MAN1A1: variants seen among roughly 807,000 people sequenced by gnomAD.
The protein encoded by MAN1A1 is mannosidase alpha class 1A member 1.
Under a neutral mutation model 70.8 loss-of-function variants are expected in MAN1A1, and 29 were observed. That is an observed-to-expected ratio of 0.41 (90% confidence interval 0.31 to 0.56). The LOEUF (loss-of-function observed/expected upper bound fraction) is 0.56. MAN1A1 is among the 20% of genes least tolerant of loss of function. MAN1A1 has a pLI of 0.29. For synonymous variants in MAN1A1, 349 were observed against 330.1 expected, an observed-to-expected ratio of 1.06 and a Z score of -0.62; for missense variants, 747 against 841.3, an observed-to-expected ratio of 0.89 and a Z score of 1.39.
intron 5 of MAN1A1, among the ~76,000 whole-genome samples, chr6:119,273,047 G>A (rs1385108196): frequency 2.6e-5 from 4 of 152,098 alleles, no homozygotes; most frequent in Admixed American, 2.6e-4. Context: ...AGGGAAAAAG[G>A]TGACTTTCAA....
chr6:119,348,795 CG>C lies in MAN1A1; in HGVS notation c.270del (p.Ala92ArgfsTer111). ...LQPAADHKPG[P>X]GARAEDAAEG... ...TCGGCCGCGTCCTCGGCGCGCGCCC[CG>C]GGCCCGGGCTTGTGGTCGGCGGCCG... On this transcript the variant is annotated frameshift_variant, in exon 2 of 13. Coordinates refer to ENST00000368468, the MANE Select transcript of MAN1A1 (RefSeq NM_005907.4). LOFTEE classifies it high-confidence loss of function. 7.0e-7 allele frequency: 1 copy of C among 1,423,284 alleles called. No individual in the cohort carries two copies. The highest frequency in any genetic ancestry group is 2.9e-5 in the Admixed American group (1 of 34,252). 88.2% of individuals were successfully genotyped at this position (1,423,284 alleles called of 1,614,324 possible).
intron 4 of MAN1A1, among the ~76,000 whole-genome samples, chr6:119,295,282 T>C (rs1282148556): frequency 2.0e-5 from 3 of 152,138 alleles, no homozygotes; most frequent in South Asian, 4.1e-4. Flanking sequence ...TTGATATTTT[T>C]ATAGGCAACT....
chr6:119,300,734 AG>A (rs1772369111), intron 4 of MAN1A1, among the ~76,000 whole-genome samples: 1 of 152,176 alleles, frequency 6.6e-6, no homozygotes, highest in Non-Finnish European at 1.5e-5. Flanking sequence ...TTAAAATAGA[AG>A]GGTTTAACAC....
intron 5 of MAN1A1, among the ~76,000 whole-genome samples, chr6:119,266,926 G>A (rs1258749305): frequency 6.6e-6 from 1 of 152,136 alleles, no homozygotes; most frequent in Non-Finnish European, 1.5e-5. Flanking sequence ...ATGGGACAAA[G>A]ATCTTAATAG....
At chr6:119,211,221 T>G (rs1272700699) in intron 6 of MAN1A1, among the ~76,000 whole-genome samples, 1 of 152,240 alleles carries the variant, frequency 6.6e-6, no homozygotes, top group Non-Finnish European at 1.5e-5. Flanking sequence ...TTGGCTATGT[T>G]TTCCATCTCT....
chr6:119,184,204 T>C (rs1005518880), intron 11 of MAN1A1, among the ~76,000 whole-genome samples: 3 of 152,160 alleles, frequency 2.0e-5, no homozygotes, highest in South Asian at 2.1e-4. Context: ...CAGATCATCA[T>C]TGTACTATAA....
At chr6:119,236,578 G>A (rs1774850637) in intron 6 of MAN1A1, among the ~76,000 whole-genome samples, 1 of 151,876 alleles carries the variant, frequency 6.6e-6, no homozygotes, top group African/African-American at 2.4e-5. Context: ...CGGGGTGGTG[G>A]GTGCCTATAA....
chr6:119,206,615 T>G lies in MAN1A1; in HGVS notation c.993-1733A>C, dbSNP rs148546343. Among the ~76,000 whole-genome samples, 1,260 of 152,352 alleles carry G rather than the reference T, an allele frequency of 8.3e-3. 8 individuals carry two copies. The highest frequency in any genetic ancestry group is 0.014 in the Non-Finnish European group (934 of 68,026). On this transcript the variant is annotated intron_variant, in intron 6 of 12. Coordinates refer to ENST00000368468, the MANE Select transcript of MAN1A1 (RefSeq NM_005907.4). Reference sequence around the variant, plus strand: ...CCCTAAATTTATTAGGCTCTGGGAATGTGAGTCAGGTTTTATTTTCATAGT... The same window carrying G: ...CCCTAAATTTATTAGGCTCTGGGAAGGTGAGTCAGGTTTTATTTTCATAGT...
At chr6:119,226,678 T>G (rs1467417375) in intron 6 of MAN1A1, among the ~76,000 whole-genome samples, 4 of 152,206 alleles carry the variant, frequency 2.6e-5, no homozygotes, top group Non-Finnish European at 5.9e-5. Context: ...GAACTTTTTA[T>G]TTTTTAATTT....
intron 2 of MAN1A1, among the ~76,000 whole-genome samples, chr6:119,331,456 A>G: frequency 6.6e-6 from 1 of 151,696 alleles, no homozygotes. Context: ...TTCCAGTGAC[A>G]ATTGTTTTTC....
At chr6:119,286,630 T>G (rs985601770) in intron 5 of MAN1A1, among the ~76,000 whole-genome samples, 2 of 152,100 alleles carry the variant, frequency 1.3e-5, no homozygotes, top group African/African-American at 4.8e-5. Context: ...CTTTTACCAG[T>G]CTTGGATAAG....
chr6:119,216,461 CT>C (rs1774206014), intron 6 of MAN1A1, among the ~76,000 whole-genome samples: 1 of 152,116 alleles, frequency 6.6e-6, no homozygotes, highest in South Asian at 2.1e-4. Flanking sequence ...AAGATGACTT[CT>C]AGTTTGCTAG....
chr6:119,318,575 T>C (rs1464286994), intron 2 of MAN1A1, among the ~76,000 whole-genome samples: 1 of 152,240 alleles, frequency 6.6e-6, no homozygotes, highest in Non-Finnish European at 1.5e-5. Context: ...ATTTACATTA[T>C]GTTTAAGAGT....
intron 2 of MAN1A1, among the ~76,000 whole-genome samples, chr6:119,311,557 C>T (rs1026696840): frequency 1.3e-5 from 2 of 152,022 alleles, no homozygotes; most frequent in African/African-American, 4.8e-5. Flanking sequence ...TGAGGTTGAT[C>T]TGGGAAAAAG....
chr6:119,301,503 C>T (rs1428015009), intron 4 of MAN1A1, among the ~76,000 whole-genome samples: 1 of 152,140 alleles, frequency 6.6e-6, no homozygotes, highest in Non-Finnish European at 1.5e-5. Context: ...ATAAGATCCA[C>T]AAAATTTGAA....
At chr6:119,340,536 G>T (rs1238739420) in intron 2 of MAN1A1, among the ~76,000 whole-genome samples, 3 of 152,292 alleles carry the variant, frequency 2.0e-5, no homozygotes, top group Middle Eastern at 3.4e-3. Context: ...TTGAGTTCAC[G>T]TCTTGGCCAT....
upstream of MAN1A1, chr6:119,350,527 C>G (rs544289610): frequency 2.2e-4 from 213 of 985,370 alleles, 1 homozygote; most frequent in African/African-American, 3.6e-3. Flanking sequence ...ATTCATTTAC[C>G]TCATAGAAGT....
chr6:119,234,896 G>C (rs976671953), intron 6 of MAN1A1, among the ~76,000 whole-genome samples: 1 of 152,098 alleles, frequency 6.6e-6, no homozygotes, highest in Non-Finnish European at 1.5e-5. Context: ...CTCACGTTGT[G>C]TCTCTGTCAA....
intron 5 of MAN1A1, among the ~76,000 whole-genome samples, chr6:119,289,056 G>C (rs576114628): frequency 6.0e-4 from 41 of 68,394 alleles, no homozygotes; most frequent in African/African-American, 2.3e-3. Context: ...ATATCTGTGG[G>C]TATTATAATT....
Sources: allele counts gnomAD v4.1 joint callset (sites outside exome capture counted in the v4.1 genomes callset), GRCh38; gene constraint gnomAD v4.1.1; transcripts MANE v1.5; gene names NCBI Gene and HGNC (gene_info 2026-07-23, HGNC 2026-07-21).